Variants in CD109 observed in about 807,000 individuals in gnomAD.
CD109 encodes CD109 molecule.
A neutral mutation model predicts 165.8 loss-of-function variants in CD109; 149 were observed. That is an observed-to-expected ratio of 0.90 (90% confidence interval 0.79 to 1.03). The LOEUF is 1.03. Among genes scored for constraint, CD109 ranks in the 50% least tolerant of loss-of-function variants. The pLI is 0.00. For missense variants in CD109, 1,712 were observed against 1,677.8 expected (o/e 1.02, Z -0.36); for synonymous variants, 585 against 592.1 (o/e 0.99, Z 0.18).
intron 22 of CD109, among the ~76,000 whole-genome samples, chr6:73,790,272 T>C (rs1333869648): frequency 2.0e-5 from 3 of 151,762 alleles, no homozygotes; most frequent in Non-Finnish European, 4.4e-5. Flanking sequence ...TTTTTTATAT[T>C]TTCATTAGAG....
upstream of CD109, among the ~76,000 whole-genome samples, chr6:73,691,315 T>C (rs1184722972): frequency 1.3e-5 from 2 of 152,344 alleles, no homozygotes; most frequent in South Asian, 2.1e-4. Flanking sequence ...GCTGGTGTTA[T>C]GGACAGAGCA....
intron 32 of CD109, among the ~76,000 whole-genome samples, chr6:73,820,772 T>C (rs1219811327): frequency 6.6e-6 from 1 of 152,174 alleles, no homozygotes; most frequent in East Asian, 1.9e-4. Flanking sequence ...TTTTAGCATA[T>C]GAAATTTAAA....
At chr6:73,820,032 C>T (rs1776057604) in intron 31 of CD109, among the ~76,000 whole-genome samples, 1 of 152,218 alleles carries the variant, frequency 6.6e-6, no homozygotes, top group Non-Finnish European at 1.5e-5. Context: ...CCATCTCAGT[C>T]ATTGGCTGTG....
At chr6:73,733,179 G>A (rs1772427270) in intron 4 of CD109, among the ~76,000 whole-genome samples, 1 of 152,176 alleles carries the variant, frequency 6.6e-6, no homozygotes, top group South Asian at 2.1e-4. Flanking sequence ...AATAATTGGT[G>A]TCTTGGCAAA....
At chr6:73,704,418 C>T (rs1373373986) in intron 2 of CD109, among the ~76,000 whole-genome samples, 2 of 152,126 alleles carry the variant, frequency 1.3e-5, no homozygotes, top group East Asian at 3.8e-4. Flanking sequence ...CAACCCTAAG[C>T]GCTGGTGTTC....
intron 6 of CD109, among the ~76,000 whole-genome samples, chr6:73,758,385 A>G (rs1773480299): frequency 6.6e-6 from 1 of 151,906 alleles, no homozygotes; most frequent in South Asian, 2.1e-4. Context: ...TTATACCTTA[A>G]TTATTATTAT....
chr6:73,809,861 G>C (rs1402649275), intron 26 of CD109, 123 bp from the exon 27 acceptor site: 3 of 642,600 alleles, frequency 4.7e-6, no homozygotes, highest in Non-Finnish European at 7.7e-6. Context: ...ATAAATACAT[G>C]TATACAAGTA....
At position 73,827,201 on chromosome 6, in the gene CD109, G is replaced by A. The variant is rs1437339773; in HGVS notation, c.*3568G>A. ...CTTGGCAAGATTTCTCCCTATGAGG[G>A]TAGTTATTATTTGAGTCTGCCAAGT... On this transcript the variant is annotated 3_prime_UTR_variant, in exon 33 of 33. Coordinates refer to ENST00000287097, the MANE Select transcript of CD109 (RefSeq NM_133493.5). 6.6e-6 allele frequency: 1 copy of A among 152,132 alleles called. No individual in the cohort carries two copies. The highest frequency in any genetic ancestry group is 2.4e-5 in the African/African-American group (1 of 41,408). The allele number at this position is 152,132 out of a possible 1,614,324, so 9.4% of individuals were successfully genotyped here.
At chr6:73,708,708 G>T (rs890359390) in intron 2 of CD109, among the ~76,000 whole-genome samples, 5 of 152,250 alleles carry the variant, frequency 3.3e-5, no homozygotes, top group African/African-American at 9.6e-5. Context: ...GTGTGAGATG[G>T]TATCTCATTG....
In CD109 at chr6:73,787,356, T is replaced by C; in HGVS notation, c.2460T>C (p.Phe820=). The change falls in exon 21 of 33, where the codon TTT becomes TTC. Residue 820 remains phenylalanine (F), a synonymous_variant. Transcript: ENST00000287097. ...VPSEDGATVL[F]PIRPTHLGEI... Reference sequence around the variant, plus strand: ...GTGAGGATGGGGCAACTGTTCTTTTTCCCATCAGGCCAACACATCTGGGAG... The same window carrying C: ...GTGAGGATGGGGCAACTGTTCTTTTCCCCATCAGGCCAACACATCTGGGAG... 1 of 1,614,110 alleles carries C rather than the reference T, an allele frequency of 6.2e-7. No individual in the cohort carries two copies. Among genetic ancestry groups the C allele is most frequent in the African/African-American group, 1.3e-5 (1 of 75,016 alleles).
intron 7 of CD109, among the ~76,000 whole-genome samples, chr6:73,761,696 C>T (rs572423021): frequency 6.4e-4 from 97 of 151,394 alleles, no homozygotes; most frequent in African/African-American, 2.2e-3. Flanking sequence ...AATTTTTTTG[C>T]ATTTTTAGTA....
chr6:73,782,579 CTG>C, intron 17 of CD109, 33 bp from the exon 18 acceptor site: 1 of 1,595,856 alleles, frequency 6.3e-7, no homozygotes, highest in East Asian at 2.2e-5. Flanking sequence ...TCTCCAGTGA[CTG>C]TTTTTCTAAC....
chr6:73,756,745 G>A, intron 6 of CD109, 63 bp downstream of exon 6: 2 of 1,189,452 alleles, frequency 1.7e-6, no homozygotes, highest in South Asian at 1.6e-5. Context: ...AGAGATTAGA[G>A]AAATTTTTAA....
chr6:73,739,720 C>T (rs1015956939), intron 5 of CD109, among the ~76,000 whole-genome samples: 8 of 151,870 alleles, frequency 5.3e-5, no homozygotes, highest in South Asian at 2.1e-4. Context: ...TGGTGGCGGG[C>T]GCCTGTAGTC....
chr6:73,780,542 C>G, intron 16 of CD109, 44 bp downstream of exon 16: 1 of 1,238,270 alleles, frequency 8.1e-7, no homozygotes. Flanking sequence ...ATATTTTTTA[C>G]TATTGCAAAC....
At chr6:73,809,926 G>C (rs1775692615) in intron 26 of CD109, 58 bp from the exon 27 acceptor site, 2 of 1,350,188 alleles carry the variant, frequency 1.5e-6, no homozygotes, top group Non-Finnish European at 2.1e-6. Flanking sequence ...ATATTTAATG[G>C]TATAAAATGT....
At chr6:73,712,175 C>T (rs1771563576) in intron 2 of CD109, among the ~76,000 whole-genome samples, 1 of 151,478 alleles carries the variant, frequency 6.6e-6, no homozygotes, top group Admixed American at 6.6e-5. Flanking sequence ...TGCCACTGCA[C>T]TCCAGCCTGG....
intron 26 of CD109, among the ~76,000 whole-genome samples, chr6:73,808,471 A>G (rs1775648490): frequency 6.6e-6 from 1 of 152,090 alleles, no homozygotes; most frequent in Non-Finnish European, 1.5e-5. Context: ...TATTTTAGAT[A>G]TGTGATGCCC....
At position 73,818,531 on chromosome 6, in the gene CD109, A is replaced by T. The variant is rs530190411; in HGVS notation, c.4055A>T (p.Asp1352Val). ...YDHGKLNLYL[D>V]SVNETQFCVN... ...CATGGAAAACTCAACCTCTATTTAGATTCTGTAAGTAGTAAAACATAAGGT... is the reference window on the plus strand; with the variant it reads ...CATGGAAAACTCAACCTCTATTTAGTTTCTGTAAGTAGTAAAACATAAGGT... The change falls in exon 31 of 33, where the codon GAT becomes GTT. Residue 1352 changes from aspartate (D) to valine (V), a missense_variant. By Grantham distance (152) the Asp-to-Val change is radical. Coordinates refer to ENST00000287097, the MANE Select transcript of CD109 (RefSeq NM_133493.5). 6.2e-7 allele frequency: 1 copy of T among 1,612,740 alleles called. No homozygotes were observed. The highest frequency in any genetic ancestry group is 1.3e-5 in the African/African-American group (1 of 74,978).
Sources: allele counts gnomAD v4.1 joint callset (sites outside exome capture counted in the v4.1 genomes callset), GRCh38; gene constraint gnomAD v4.1.1; transcripts MANE v1.5; gene names NCBI Gene and HGNC (gene_info 2026-07-23, HGNC 2026-07-21).